Variants in ADA observed in about 807,000 individuals in gnomAD.
ADA encodes the protein adenosine deaminase, also known as adenosine aminohydrolase.
Under a neutral mutation model 49.0 loss-of-function variants are expected in ADA, and 45 were observed. The ratio of observed to expected loss-of-function variants is 0.92; its 90% confidence interval spans 0.72 to 1.18. The LOEUF (loss-of-function observed/expected upper bound fraction) is 1.18, where lower values mean the gene tolerates loss of function less well. ADA is among the 50% of genes most tolerant of loss of function. The pLI, the probability that ADA is intolerant of heterozygous loss-of-function variation, is 0.00. For synonymous variants in ADA, 173 were observed against 184.2 expected (o/e 0.94, Z 0.49); for missense variants, 445 against 472.5 (o/e 0.94, Z 0.54).
intron 1 of ADA, among the ~76,000 whole-genome samples, chr20:44,642,914 G>GA (rs1419301632): frequency 2.0e-5 from 3 of 152,022 alleles, no homozygotes; most frequent in East Asian, 1.9e-4. Context: ...TGGGAAGGGG[G>GA]AAAGCAGAGC....
rs562799682 is a variant in ADA, at chr20:44,650,588, C to A, written c.33+987G>T. Among the ~76,000 whole-genome samples, 8 of 151,474 alleles carry A rather than the reference C, an allele frequency of 5.3e-5. No homozygotes were observed. In the East Asian group the frequency reaches 1.6e-3, roughly 29 times the overall value. On this transcript the variant is annotated intron_variant, in intron 1 of 11. Transcript: ENST00000372874. ...GACTACGGGAGTGCACCACCACACA[C>A]ACTTCCCCTAACTTTTTTTATTTTT... is the stretch of plus-strand genomic sequence containing the variant.
chr20:44,641,722 A>G (rs755727155), intron 1 of ADA, among the ~76,000 whole-genome samples: 69 of 151,402 alleles, frequency 4.6e-4, no homozygotes, highest in Non-Finnish European at 8.1e-4. Flanking sequence ...GGAGGTCTGC[A>G]TGGCTACTTC....
intron 1 of ADA, among the ~76,000 whole-genome samples, chr20:44,648,073 G>T (rs1464614550): frequency 1.3e-5 from 2 of 152,110 alleles, no homozygotes; most frequent in Non-Finnish European, 2.9e-5. Flanking sequence ...AAGGCACCTG[G>T]TACCCAGGAC....
At chr20:44,631,303 C>T (rs1484348678) in intron 2 of ADA, among the ~76,000 whole-genome samples, 1 of 152,100 alleles carries the variant, frequency 6.6e-6, no homozygotes, top group African/African-American at 2.4e-5. Flanking sequence ...GCCCCTAATC[C>T]CTGTAAGAGC....
chr20:44,634,849 G>A (rs2065465492), intron 2 of ADA, among the ~76,000 whole-genome samples: 2 of 152,214 alleles, frequency 1.3e-5, no homozygotes, highest in Admixed American at 1.3e-4. Context: ...CAGGATTCTG[G>A]CTTATGGAGC....
chr20:44,628,820 C>A (rs1178420557), intron 3 of ADA, among the ~76,000 whole-genome samples: 1 of 152,092 alleles, frequency 6.6e-6, no homozygotes, highest in African/African-American at 2.4e-5. Flanking sequence ...CATATTCTGC[C>A]ATTTCTCTGT....
chr20:44,622,676 G>T, intron 8 of ADA, 24 bp from the exon 9 acceptor site: 1 of 1,614,126 alleles, frequency 6.2e-7, no homozygotes, highest in South Asian at 1.1e-5. Context: ...TGTGTGGCTG[G>T]CAGGGATGGC....
At chr20:44,634,736 A>G (rs1438468706) in intron 2 of ADA, among the ~76,000 whole-genome samples, 1 of 152,246 alleles carries the variant, frequency 6.6e-6, no homozygotes, top group Non-Finnish European at 1.5e-5. Flanking sequence ...AGAATAGTGG[A>G]CTTACCAGAA....
chr20:44,649,532 T>C (rs920447261), intron 1 of ADA, among the ~76,000 whole-genome samples: 2 of 151,808 alleles, frequency 1.3e-5, no homozygotes, highest in Non-Finnish European at 2.9e-5. Context: ...GAGGTCCCAA[T>C]AGGGAAAATG....
At chr20:44,637,593 T>G (rs1040034227) in intron 1 of ADA, among the ~76,000 whole-genome samples, 1 of 152,022 alleles carries the variant, frequency 6.6e-6, no homozygotes, top group Non-Finnish European at 1.5e-5. Context: ...GAGAGCTGGA[T>G]AAGAAAGTTG....
intron 11 of ADA, among the ~76,000 whole-genome samples, 200 bp from the exon 12 acceptor site, chr20:44,620,047 G>T (rs914176174): frequency 1.3e-5 from 2 of 152,248 alleles, no homozygotes; most frequent in Non-Finnish European, 2.9e-5. Flanking sequence ...AGCCATGGAG[G>T]TGTCCCCAAC....
At chr20:44,651,501 G>T in intron 1 of ADA, 74 bp downstream of exon 1, 1 of 1,439,674 alleles carries the variant, frequency 6.9e-7, no homozygotes, top group Non-Finnish European at 9.4e-7. Context: ...GGACGCCCCG[G>T]GCTGGGCCCC....
chr20:44,626,122 C>T (rs1394835088), intron 4 of ADA, among the ~76,000 whole-genome samples: 1 of 152,062 alleles, frequency 6.6e-6, no homozygotes, highest in African/African-American at 2.4e-5. Flanking sequence ...ACCTTTAGGG[C>T]CTTTAGAGAT....
chr20:44,626,097 T>G (rs1233252310), intron 4 of ADA, among the ~76,000 whole-genome samples: 1 of 152,132 alleles, frequency 6.6e-6, no homozygotes, highest in African/African-American at 2.4e-5. Context: ...ACTTCAGTTA[T>G]GAAGTTAGAG....
chr20:44,645,628 CA>C (rs1330875807), intron 1 of ADA, among the ~76,000 whole-genome samples: 3 of 152,126 alleles, frequency 2.0e-5, no homozygotes, highest in Non-Finnish European at 4.4e-5. Flanking sequence ...TCTCAAAAGT[CA>C]AAGTAGGACC....
chr20:44,623,132 C>A, intron 6 of ADA, 54 bp from the exon 7 acceptor site: 1 of 1,610,478 alleles, frequency 6.2e-7, no homozygotes, highest in Non-Finnish European at 8.5e-7. Flanking sequence ...CCCCGGCAGG[C>A]CCTGCCTTGA....
At chr20:44,635,826 A>T (rs561775211) in intron 2 of ADA, among the ~76,000 whole-genome samples, 25 of 152,142 alleles carry the variant, frequency 1.6e-4, no homozygotes, top group African/African-American at 5.5e-4. Flanking sequence ...TGAACCCAGG[A>T]GGTGGAGGTT....
intron 3 of ADA, among the ~76,000 whole-genome samples, chr20:44,627,480 C>T (rs941671390): frequency 2.0e-5 from 3 of 152,178 alleles, no homozygotes; most frequent in Non-Finnish European, 4.4e-5. Context: ...TGTACCTGGC[C>T]CAGACCGCCT....
intron 4 of ADA, 114 bp from the exon 5 acceptor site, chr20:44,625,798 A>G: frequency 2.5e-6 from 2 of 813,042 alleles, no homozygotes; most frequent in East Asian, 5.3e-5. Context: ...CTCCTCCCCC[A>G]CTGACCCACT....
Sources: allele counts gnomAD v4.1 joint callset (sites outside exome capture counted in the v4.1 genomes callset), GRCh38; gene constraint gnomAD v4.1.1; transcripts MANE v1.5; gene names NCBI Gene and HGNC (gene_info 2026-07-23, HGNC 2026-07-21).